The following SERGEF variants were observed in gnomAD, a reference collection of about 807,000 sequenced individuals.
SERGEF encodes secretion regulating guanine nucleotide exchange factor.
A neutral mutation model predicts 50.0 loss-of-function variants in SERGEF; 51 were observed. The ratio of observed to expected loss-of-function variants is 1.02; its 90% CI spans 0.81 to 1.29. The LOEUF (loss-of-function observed/expected upper bound fraction) is 1.29. Among genes scored for constraint, SERGEF ranks in the 50% most tolerant of loss-of-function variants. The pLI is 0.00. For missense variants in SERGEF, 521 were observed against 557.0 expected (o/e 0.94, Z 0.65); for synonymous variants, 205 against 212.4 (o/e 0.97, Z 0.30).
At chr11:17,847,018 A>C (rs1850626733) in intron 10 of SERGEF, among the ~76,000 whole-genome samples, 1 of 152,166 alleles carries the variant, frequency 6.6e-6, no homozygotes, top group Non-Finnish European at 1.5e-5. Context: ...TCAGATCTGC[A>C]CCTCACCTCC....
chr11:17,835,559 C>T (rs780581312), intron 10 of SERGEF, among the ~76,000 whole-genome samples: 18 of 152,192 alleles, frequency 1.2e-4, no homozygotes, highest in Non-Finnish European at 2.4e-4. Context: ...ACCATCAATT[C>T]CTGCCTGGAA....
intron 10 of SERGEF, chr11:17,866,674 T>G (rs901739786): frequency 1.3e-5 from 2 of 152,212 alleles, no homozygotes; most frequent in Admixed American, 6.5e-5. Context: ...CCAGCTAATT[T>G]TTTTGTATTT....
chr11:17,993,853 A>G (rs1853772627), intron 6 of SERGEF, among the ~76,000 whole-genome samples: 1 of 152,154 alleles, frequency 6.6e-6, no homozygotes, highest in South Asian at 2.1e-4. Flanking sequence ...TGAGGTGAGA[A>G]CGGGAGGACG....
At chr11:17,792,887 T>C (rs1397216966) in intron 10 of SERGEF, among the ~76,000 whole-genome samples, 1 of 152,198 alleles carries the variant, frequency 6.6e-6, no homozygotes, top group Non-Finnish European at 1.5e-5. Context: ...CTCTGTCATG[T>C]ATTCTTTTTG....
intron 9 of SERGEF, among the ~76,000 whole-genome samples, chr11:17,934,150 A>T (rs556625211): frequency 6.6e-6 from 1 of 152,306 alleles, no homozygotes; most frequent in African/African-American, 2.4e-5. Flanking sequence ...AGGTATAGAT[A>T]TCACTGCCAT....
At chr11:17,874,256 A>G (rs923162254) in intron 10 of SERGEF, 15 of 152,302 alleles carry the variant, frequency 9.8e-5, no homozygotes, top group African/African-American at 3.6e-4. Context: ...GGGAGTGGGT[A>G]TCATGATGTC....
In SERGEF at chr11:17,966,523, T is replaced by C. The variant is rs180890851; in HGVS notation, c.845-6887A>G. Reference sequence around the variant, plus strand: ...TGCCTAAAAATCTTCAGTATTAAAATGACTGGTATACAATTTAATTTTATT... The same window carrying C: ...TGCCTAAAAATCTTCAGTATTAAAACGACTGGTATACAATTTAATTTTATT... On this transcript the variant is annotated intron_variant, in intron 8 of 10. Coordinates refer to ENST00000265965, the MANE Select transcript of SERGEF (RefSeq NM_012139.4). Among the ~76,000 whole-genome samples, 75 of 152,360 alleles carry C rather than the reference T, an allele frequency of 4.9e-4. 1 individual carries two copies. The highest frequency in any genetic ancestry group is 1.7e-3 in the African/African-American group (71 of 41,586).
chr11:17,937,885 A>T (rs1348106966), intron 9 of SERGEF, among the ~76,000 whole-genome samples: 1 of 152,140 alleles, frequency 6.6e-6, no homozygotes, highest in African/African-American at 2.4e-5. Context: ...ATCTCTACCC[A>T]CAGGATATGT....
At chr11:17,924,864 G>A (rs1852221072) in intron 9 of SERGEF, among the ~76,000 whole-genome samples, 1 of 152,106 alleles carries the variant, frequency 6.6e-6, no homozygotes, top group Admixed American at 6.5e-5. Flanking sequence ...TACAATTTGT[G>A]CAATAGAGGA....
At chr11:17,996,084 A>T (rs490386) in intron 5 of SERGEF, among the ~76,000 whole-genome samples, 175 bp from the exon 6 acceptor site, 2 of 152,076 alleles carry the variant, frequency 1.3e-5, no homozygotes, top group African/African-American at 2.4e-5. Context: ...ATTACCACCA[A>T]GCCAATCACA....
intron 10 of SERGEF, among the ~76,000 whole-genome samples, chr11:17,863,412 T>G (rs1205184160): frequency 6.6e-6 from 1 of 152,224 alleles, no homozygotes; most frequent in Non-Finnish European, 1.5e-5. Context: ...TAAGCTGTTT[T>G]GCTGGCTGAC....
intron 10 of SERGEF, among the ~76,000 whole-genome samples, chr11:17,790,608 A>G (rs1296123982): frequency 6.6e-6 from 1 of 152,196 alleles, no homozygotes; most frequent in African/African-American, 2.4e-5. Flanking sequence ...CAGTATTGCA[A>G]TGAAAGTCTT....
intron 10 of SERGEF, among the ~76,000 whole-genome samples, chr11:17,804,611 T>C (rs988111128): frequency 6.6e-6 from 1 of 152,220 alleles, no homozygotes; most frequent in African/African-American, 2.4e-5. Context: ...CTTTGTAAAA[T>C]GGAAGCATAG....
chr11:18,008,115 C>A, intron 1 of SERGEF, 39 bp from the exon 2 acceptor site: 1 of 1,597,030 alleles, frequency 6.3e-7, no homozygotes, highest in Non-Finnish European at 8.6e-7. Context: ...AGTGTGGGAA[C>A]CACAACTGTC....
intron 9 of SERGEF, among the ~76,000 whole-genome samples, chr11:17,894,507 T>C (rs192237422): frequency 2.0e-4 from 30 of 152,306 alleles, no homozygotes; most frequent in Non-Finnish European, 3.2e-4. Flanking sequence ...CTTTCTCTAC[T>C]TATTATTAAG....
chr11:17,789,971 C>T (rs1849453413), intron 10 of SERGEF, among the ~76,000 whole-genome samples: 1 of 152,056 alleles, frequency 6.6e-6, no homozygotes, highest in South Asian at 2.1e-4. Flanking sequence ...GGTGACAGAG[C>T]GAGACTTTGT....
intron 10 of SERGEF, among the ~76,000 whole-genome samples, chr11:17,800,217 A>T (rs1440301313): frequency 6.6e-6 from 1 of 152,188 alleles, no homozygotes; most frequent in Non-Finnish European, 1.5e-5. Context: ...TTAAGCAGAA[A>T]GTATGGACAG....
At chr11:17,841,661 A>C (rs139284082) in intron 10 of SERGEF, among the ~76,000 whole-genome samples, 88 of 152,336 alleles carry the variant, frequency 5.8e-4, no homozygotes, top group Admixed American at 1.5e-3. Context: ...CCCCATGAGT[A>C]ACATACACAT....
intron 9 of SERGEF, 39 bp downstream of exon 9, chr11:17,959,431 A>G: frequency 1.3e-6 from 2 of 1,587,642 alleles, no homozygotes; most frequent in Non-Finnish European, 1.7e-6. Flanking sequence ...AAAGACAAGA[A>G]AAAGGGACAG....
Sources: gnomAD v4.1 joint callset for allele counts (sites outside exome capture counted in the v4.1 genomes callset) on GRCh38, gnomAD v4.1.1 for gene constraint, MANE v1.5 for transcripts, NCBI Gene and HGNC (gene_info 2026-07-23, HGNC 2026-07-21) for gene names.